The following KIF6 variants were observed in gnomAD, a reference collection of about 807,000 sequenced individuals.
The protein encoded by KIF6 is kinesin family member 6.
KIF6 carries 106 observed loss-of-function variants against 112.7 expected under a neutral mutation model. The ratio of observed to expected loss-of-function variants is 0.94; its 90% confidence interval spans 0.80 to 1.11. The LOEUF (loss-of-function observed/expected upper bound fraction) is 1.11, where lower values mean the gene tolerates loss of function less well. Ranked by LOEUF, KIF6 falls within the 50% of genes least tolerant of loss-of-function variation. KIF6 has a pLI of 0.00. For synonymous variants in KIF6, 339 were observed against 339.9 expected, an observed-to-expected ratio of 1.00 and a Z score of 0.03; for missense variants, 929 against 964.0, an observed-to-expected ratio of 0.96 and a Z score of 0.48.
At chr6:39,643,948 T>C (rs893328670) in intron 3 of KIF6, among the ~76,000 whole-genome samples, 1 of 152,078 alleles carries the variant, frequency 6.6e-6, no homozygotes, top group African/African-American at 2.4e-5. Flanking sequence ...ATATCCATAA[T>C]CCATAACATA....
intron 5 of KIF6, among the ~76,000 whole-genome samples, chr6:39,627,059 A>AAT (rs1784129830): frequency 6.6e-6 from 1 of 152,140 alleles, no homozygotes; most frequent in African/African-American, 2.4e-5. Context: ...TCCAAGGGCT[A>AAT]CACCTTGCCT....
At chr6:39,352,226 G>A (rs1360107788) in intron 19 of KIF6, among the ~76,000 whole-genome samples, 1 of 152,148 alleles carries the variant, frequency 6.6e-6, no homozygotes, top group Non-Finnish European at 1.5e-5. Context: ...TTAACATTTT[G>A]TATTAGTGTG....
chr6:39,337,221 T>TTCTTTCTTTCTTTCTC (rs1562102893), intron 22 of KIF6, among the ~76,000 whole-genome samples: 1 of 117,982 alleles, frequency 8.5e-6, no homozygotes, highest in Non-Finnish European at 1.6e-5. Flanking sequence ...CTTTCTTTCT[T>TTCTTTCTTTCTTTCTC]TCTTTCTTTC....
chr6:39,556,753 T>C (rs1446115853), intron 10 of KIF6, among the ~76,000 whole-genome samples: 1 of 152,070 alleles, frequency 6.6e-6, no homozygotes, highest in Non-Finnish European at 1.5e-5. Flanking sequence ...ATTGGGAAAT[T>C]TGGGAGAATA....
intron 5 of KIF6, among the ~76,000 whole-genome samples, chr6:39,629,407 C>G (rs1784247165): frequency 6.6e-6 from 1 of 152,050 alleles, no homozygotes; most frequent in African/African-American, 2.4e-5. Flanking sequence ...ATTTGCAATT[C>G]CCTAATGACA....
At chr6:39,634,051 G>A (rs1372468432) in intron 5 of KIF6, among the ~76,000 whole-genome samples, 1 of 152,056 alleles carries the variant, frequency 6.6e-6, no homozygotes, top group Non-Finnish European at 1.5e-5. Flanking sequence ...AGTCCTTTTG[G>A]TGTGGAGATA....
At chr6:39,353,591 C>A (rs7772371) in intron 19 of KIF6, among the ~76,000 whole-genome samples, 5,607 of 152,288 alleles carry the variant, frequency 0.037, 359 homozygotes, top group African/African-American at 0.13. Flanking sequence ...AGTCCAACAT[C>A]AATTTTTTCT....
intron 3 of KIF6, among the ~76,000 whole-genome samples, chr6:39,654,711 T>C (rs1384674293): frequency 6.6e-6 from 1 of 152,220 alleles, no homozygotes; most frequent in Non-Finnish European, 1.5e-5. Context: ...TTTGTATGCA[T>C]ACTTCCAGAC....
chr6:39,353,312 C>A (rs1316963790), intron 19 of KIF6, among the ~76,000 whole-genome samples: 2 of 152,006 alleles, frequency 1.3e-5, no homozygotes, highest in African/African-American at 2.4e-5. Flanking sequence ...TTTGTATTTC[C>A]CTGTGTGACA....
chr6:39,488,282 G>A (rs1478680941), intron 13 of KIF6, among the ~76,000 whole-genome samples: 1 of 152,150 alleles, frequency 6.6e-6, no homozygotes, highest in Non-Finnish European at 1.5e-5. Flanking sequence ...CAGAGTAGGG[G>A]TCCAGCCTCA....
chr6:39,561,016 T>C (rs566223832), intron 10 of KIF6, among the ~76,000 whole-genome samples: 1 of 152,364 alleles, frequency 6.6e-6, no homozygotes, highest in East Asian at 1.9e-4. Context: ...AGTCTCTGCA[T>C]TATGGAAGGC....
intron 9 of KIF6, 63 bp from the exon 10 acceptor site, chr6:39,578,222 G>T: frequency 3.9e-6 from 4 of 1,034,516 alleles, no homozygotes; most frequent in South Asian, 1.3e-5. Flanking sequence ...TGGTGACAGA[G>T]AACATACAGC....
At chr6:39,628,350 T>C (rs1360104369) in intron 5 of KIF6, among the ~76,000 whole-genome samples, 1 of 152,094 alleles carries the variant, frequency 6.6e-6, no homozygotes, top group Middle Eastern at 3.2e-3. Flanking sequence ...TATTTAATTA[T>C]ATGCAATTTC....
At chr6:39,363,759 A>G (rs1472127809) in intron 16 of KIF6, among the ~76,000 whole-genome samples, 1 of 152,164 alleles carries the variant, frequency 6.6e-6, no homozygotes, top group African/African-American at 2.4e-5. Context: ...CATTTTACAG[A>G]TAAGGATATT....
chr6:39,661,807 T>C (rs981957038), intron 3 of KIF6, among the ~76,000 whole-genome samples: 13 of 152,176 alleles, frequency 8.5e-5, no homozygotes, highest in African/African-American at 3.1e-4. Context: ...GGATACCTTC[T>C]AACCTCCCTC....
At chr6:39,438,177 T>C (rs1771674367) in intron 13 of KIF6, among the ~76,000 whole-genome samples, 1 of 152,164 alleles carries the variant, frequency 6.6e-6, no homozygotes, top group East Asian at 1.9e-4. Flanking sequence ...TTTCACCATG[T>C]TGACCAGGCT....
intron 3 of KIF6, among the ~76,000 whole-genome samples, chr6:39,670,274 T>G (rs1786732118): frequency 6.6e-6 from 1 of 152,176 alleles, no homozygotes; most frequent in Non-Finnish European, 1.5e-5. Flanking sequence ...TAAGGCAAGG[T>G]GTTTTCACAA....
intron 3 of KIF6, among the ~76,000 whole-genome samples, chr6:39,661,206 T>C: frequency 6.6e-6 from 1 of 152,332 alleles, no homozygotes; most frequent in Middle Eastern, 3.4e-3. Context: ...AAATATTTGA[T>C]AATAATAATT....
At chr6:39,549,060 G>C (rs1246255844) in intron 10 of KIF6, among the ~76,000 whole-genome samples, 3 of 152,142 alleles carry the variant, frequency 2.0e-5, no homozygotes, top group Non-Finnish European at 4.4e-5. Context: ...CAGCCAAATT[G>C]ACTGCTAATG....
Sources: allele counts gnomAD v4.1 joint callset (sites outside exome capture counted in the v4.1 genomes callset), GRCh38; gene constraint gnomAD v4.1.1; transcripts MANE v1.5; gene names NCBI Gene and HGNC (gene_info 2026-07-23, HGNC 2026-07-21).